Variants in RIGI observed in about 807,000 individuals in gnomAD.
RIGI encodes the protein antiviral innate immune response receptor RIG-I.
chr9:32,487,892 G>A, the RIGI span: 1 of 1,585,504 alleles, frequency 6.3e-7, no homozygotes, highest in Non-Finnish European at 8.6e-7. Context: ...TAAGAAAATA[G>A]GAGTTAGGAA....
the RIGI span, chr9:32,457,249 A>T: frequency 2.5e-6 from 4 of 1,614,210 alleles, no homozygotes; most frequent in Non-Finnish European, 3.4e-6. Context: ...TATAACTGGA[A>T]TCTCAAATGT....
chr9:32,456,506 A>C, the RIGI span: 1 of 152,412 alleles, frequency 6.6e-6, no homozygotes, highest in Non-Finnish European at 1.5e-5. Flanking sequence ...TTACATATAC[A>C]TATGTACAGT....
At chr9:32,486,150 C>G in the RIGI span, among the ~76,000 whole-genome samples, 1 of 152,118 alleles carries the variant, frequency 6.6e-6, no homozygotes, top group African/African-American at 2.4e-5. Flanking sequence ...AGTTCTCTAA[C>G]AGAAGTACAT....
the RIGI span, chr9:32,477,053 A>C: frequency 6.2e-7 from 1 of 1,614,020 alleles, no homozygotes; most frequent in African/African-American, 1.3e-5. Flanking sequence ...CTCTTCTTGT[A>C]AGATGAAGCA....
the RIGI span, chr9:32,485,239 T>C: frequency 1.2e-6 from 2 of 1,606,598 alleles, no homozygotes; most frequent in Non-Finnish European, 1.7e-6. Context: ...CTATGATGTA[T>C]TTAAATTTGT....
the RIGI span, chr9:32,457,123 C>T: frequency 1.2e-6 from 2 of 1,611,592 alleles, no homozygotes; most frequent in Non-Finnish European, 1.7e-6. Context: ...GACCTGATAT[C>T]ATTTGGACAT....
the RIGI span, among the ~76,000 whole-genome samples, chr9:32,476,156 A>G: frequency 6.6e-6 from 1 of 152,168 alleles, no homozygotes; most frequent in African/African-American, 2.4e-5. Context: ...TAAAATTTAA[A>G]AAGTAAAAAA....
chr9:32,521,139 C>CAAAAAAAAAAAAAAAAAAAAAAA, the RIGI span, among the ~76,000 whole-genome samples: 10 of 32,778 alleles, frequency 3.1e-4, 1 homozygote, highest in East Asian at 9.0e-4. Context: ...GACACCATCT[C>CAAAAAAAAAAAAAAAAAAAAAAA]AAAAAAAAAA....
At chr9:32,460,702 C>T in the RIGI span, among the ~76,000 whole-genome samples, 2 of 150,934 alleles carry the variant, frequency 1.3e-5, no homozygotes, top group Non-Finnish European at 3.0e-5. Flanking sequence ...ATGGAAGGGA[C>T]AAAGAAAAGA....
chr9:32,484,275 G>A, the RIGI span, among the ~76,000 whole-genome samples: 1 of 152,178 alleles, frequency 6.6e-6, no homozygotes, highest in East Asian at 1.9e-4. Context: ...AGAGAGAGCA[G>A]AGGTAGGCAA....
At chr9:32,496,744 G>C in the RIGI span, among the ~76,000 whole-genome samples, 2 of 152,130 alleles carry the variant, frequency 1.3e-5, no homozygotes, top group Admixed American at 1.3e-4. Flanking sequence ...TGTTTCTCTG[G>C]AGAACTCTAA....
the RIGI span, among the ~76,000 whole-genome samples, chr9:32,493,354 G>C: frequency 1.3e-5 from 2 of 152,160 alleles, no homozygotes; most frequent in African/African-American, 2.4e-5. Flanking sequence ...GGCTGAGCAC[G>C]GTGGCTCACG....
At chr9:32,467,713 A>G in the RIGI span, 118 of 1,500,724 alleles carry the variant, frequency 7.9e-5, 1 homozygote, top group South Asian at 1.5e-3. Flanking sequence ...ACACTTATAA[A>G]TCAGTCAAAA....
the RIGI span, chr9:32,481,293 C>T: frequency 1.9e-6 from 3 of 1,580,432 alleles, no homozygotes; most frequent in Non-Finnish European, 2.6e-6. Flanking sequence ...GTGCCACTCC[C>T]AGTAGGTGCT....
the RIGI span, chr9:32,491,221 C>T: frequency 1.3e-6 from 2 of 1,521,762 alleles, no homozygotes; most frequent in Non-Finnish European, 1.8e-6. Context: ...AAGGCTGTGA[C>T]TTTGGGTACT....
At chr9:32,463,816 G>C in the RIGI span, among the ~76,000 whole-genome samples, 1 of 150,906 alleles carries the variant, frequency 6.6e-6, no homozygotes, top group Non-Finnish European at 1.5e-5. Flanking sequence ...TGTTCAGAAT[G>C]AACTTTCTTT....
At chr9:32,525,913 A>C in the RIGI span, 1 of 697,872 alleles carries the variant, frequency 1.4e-6, no homozygotes, top group Non-Finnish European at 2.5e-6. Flanking sequence ...AACTCTGGCA[A>C]CCTCTAGCCT....
chr9:32,466,509 A>G, the RIGI span: 8 of 1,368,406 alleles, frequency 5.8e-6, no homozygotes, highest in Middle Eastern at 2.5e-4. Flanking sequence ...GCAAATAGGT[A>G]AACAAATAGA....
chr9:32,521,202 T>G, the RIGI span, among the ~76,000 whole-genome samples: 2 of 141,040 alleles, frequency 1.4e-5, no homozygotes, highest in Admixed American at 7.1e-5. Context: ...CTGATTAAAA[T>G]TCGGCTTATA....
Sources: allele counts gnomAD v4.1 joint callset (sites outside exome capture counted in the v4.1 genomes callset), GRCh38; gene constraint gnomAD v4.1.1; transcripts MANE v1.5; gene names NCBI Gene and HGNC (gene_info 2026-07-23, HGNC 2026-07-21).